Variants in BTAF1 observed in about 807,000 individuals in gnomAD.
BTAF1 encodes TATA-binding protein-associated factor 172.
In BTAF1, 38 loss-of-function variants were observed where a neutral mutation model predicts 227.1. The observed-to-expected ratio is 0.17, with a 90% CI of 0.13 to 0.22. The LOEUF is 0.22. Ranked by LOEUF, BTAF1 falls within the 10% of genes least tolerant of loss-of-function variation. The pLI is 1.00. For synonymous variants in BTAF1, 742 were observed against 751.9 expected, an observed-to-expected ratio of 0.99 and a Z score of 0.21; for missense variants, 1,598 against 2,204.0, an observed-to-expected ratio of 0.73 and a Z score of 5.51.
intron 1 of BTAF1, among the ~76,000 whole-genome samples, chr10:91,930,451 T>G (rs1844195244): frequency 6.6e-6 from 1 of 152,144 alleles, no homozygotes; most frequent in Non-Finnish European, 1.5e-5. Context: ...TGGTCCAGGG[T>G]AGAGTGGGGT....
intron 14 of BTAF1, among the ~76,000 whole-genome samples, chr10:91,968,539 A>C (rs118169538): frequency 1.3e-5 from 2 of 152,126 alleles, no homozygotes; most frequent in East Asian, 1.9e-4. Flanking sequence ...TAAGTTTTCA[A>C]CTCACTTGAG....
intron 22 of BTAF1, 69 bp from the exon 23 acceptor site, chr10:91,994,466 A>G (rs1849004347): frequency 5.8e-6 from 7 of 1,203,736 alleles, no homozygotes; most frequent in Non-Finnish European, 8.4e-6. Context: ...AAAAAGTGCT[A>G]AAAGTTTTTG....
Position 91,984,370 on chromosome 10 carries a change from A to G in BTAF1, c.2393A>G (p.Asn798Ser), listed in dbSNP as rs1345093941. 1.2e-6 allele frequency: 2 copies of G among 1,612,294 alleles called. No individual in the cohort carries two copies. The highest frequency in any genetic ancestry group is 2.7e-5 in the African/African-American group (2 of 74,906). The change falls in exon 19 of 38, where the codon AAC becomes AGC. Residue 798 changes from asparagine (N) to serine (S), a missense_variant. Around this residue, in one of 10 missense-constraint regions of BTAF1, gnomAD observed 318 missense variants for 435.0 expected, o/e 0.73. Transcript: ENST00000265990. ...ATTGAAGTTGGTAATCGAGTAAACAACAATGTTTTAACAATAGATCAAGCT... is the reference window on the plus strand; with the variant it reads ...ATTGAAGTTGGTAATCGAGTAAACAGCAATGTTTTAACAATAGATCAAGCT... ...VHIEVGNRVN[N>S]NVLTIDQASD...
chr10:91,969,040 A>ATT (rs77465388), intron 14 of BTAF1, among the ~76,000 whole-genome samples: 9 of 130,484 alleles, frequency 6.9e-5, no homozygotes, highest in Admixed American at 1.5e-4. Flanking sequence ...AAAAAAAAAA[A>ATT]TTTTTTTTTT....
chr10:91,948,229 G>C (rs183039511), intron 4 of BTAF1, among the ~76,000 whole-genome samples: 2 of 142,096 alleles, frequency 1.4e-5, no homozygotes, highest in African/African-American at 5.2e-5. Context: ...TCATTGTTCA[G>C]TTCCCACCTA....
chr10:91,924,806 G>A (rs1843718983), intron 1 of BTAF1, among the ~76,000 whole-genome samples: 1 of 152,070 alleles, frequency 6.6e-6, no homozygotes, highest in Admixed American at 6.6e-5. Context: ...TTTTTCCTCC[G>A]GTATGATAGA....
intron 17 of BTAF1, 158 bp from the exon 18 acceptor site, chr10:91,982,429 G>A: frequency 9.4e-7 from 1 of 1,062,710 alleles, no homozygotes; most frequent in Non-Finnish European, 1.3e-6. Flanking sequence ...TTCTTATGAA[G>A]ACAAGATAGT....
At chr10:92,011,200 CTT>C (rs758475960) in intron 29 of BTAF1, 50 bp downstream of exon 29, 52 of 1,518,316 alleles carry the variant, frequency 3.4e-5, no homozygotes, top group Non-Finnish European at 4.4e-5. Flanking sequence ...TTTGAAGACT[CTT>C]AATATTTTCC....
intron 14 of BTAF1, 41 bp from the exon 15 acceptor site, chr10:91,980,413 G>A (rs765939511): frequency 6.9e-7 from 1 of 1,441,360 alleles, no homozygotes; most frequent in South Asian, 1.2e-5. Flanking sequence ...TAACATCCAA[G>A]AATTATATGC....
intron 14 of BTAF1, among the ~76,000 whole-genome samples, chr10:91,977,090 G>T (rs1847752032): frequency 6.6e-6 from 1 of 152,146 alleles, no homozygotes. Context: ...GTGTAACTCT[G>T]GAGGCAGGAG....
chr10:92,011,170 T>G lies in BTAF1; in HGVS notation c.4181+20T>G. On this transcript the variant is annotated intron_variant, in intron 29 of 37. Coordinates refer to ENST00000265990, the MANE Select transcript of BTAF1 (RefSeq NM_003972.3). ...CTTTAGGTAAGAATTAATTTTTTTT[T>G]TAGAAAAATTAATATCAAATTTGAA... is the stretch of plus-strand genomic sequence containing the variant. 6.5e-7 allele frequency: 1 copy of G among 1,545,040 alleles called. No individual in the cohort carries two copies. The highest frequency in any genetic ancestry group is 8.8e-7 in the Non-Finnish European group (1 of 1,142,446).
chr10:91,960,127 A>G lies in BTAF1; in HGVS notation c.1236A>G (p.Gly412=), dbSNP rs1589813978. The G allele has an allele frequency of 6.2e-7, 1 of 1,613,308 alleles. No individual in the cohort carries two copies. Among genetic ancestry groups the G allele is most frequent in the Middle Eastern group, 1.6e-4 (1 of 6,062 alleles). The change falls in exon 11 of 38, where the codon GGA becomes GGG. Residue 412 remains glycine, a synonymous_variant. Transcript: ENST00000265990. ...QWEVRHGGLL[G]IKYALAVRQD... ...AAGTTAGACATGGTGGTCTGCTGGGAATAAAATATGCTTTGGCAGTCCGTC... is the reference window on the plus strand; with the variant it reads ...AAGTTAGACATGGTGGTCTGCTGGGGATAAAATATGCTTTGGCAGTCCGTC...
At chr10:91,988,316 C>T (rs775581223) in intron 19 of BTAF1, among the ~76,000 whole-genome samples, 1 of 152,126 alleles carries the variant, frequency 6.6e-6, no homozygotes, top group Non-Finnish European at 1.5e-5. Flanking sequence ...GGCTTTTCCT[C>T]AGTTGTCTAC....
chr10:91,978,063 G>A (rs770926307), intron 14 of BTAF1, among the ~76,000 whole-genome samples: 2 of 152,130 alleles, frequency 1.3e-5, no homozygotes, highest in Non-Finnish European at 2.9e-5. Flanking sequence ...ACCCTCAGTA[G>A]TATACATTCT....
chr10:91,989,075 G>T, intron 19 of BTAF1, 79 bp from the exon 20 acceptor site: 1 of 1,265,748 alleles, frequency 7.9e-7, no homozygotes, highest in Non-Finnish European at 1.1e-6. Context: ...CAGAAAGCTT[G>T]CTGTCTACCC....
chr10:91,997,048 G>A (rs756467772), intron 24 of BTAF1: 2 of 1,183,658 alleles, frequency 1.7e-6, no homozygotes, highest in South Asian at 1.3e-5. Flanking sequence ...TATGGCAGCA[G>A]CTAACATTCT....
At chr10:91,954,016 T>G in intron 6 of BTAF1, 143 bp downstream of exon 6, 18 of 1,213,440 alleles carry the variant, frequency 1.5e-5, no homozygotes, top group Non-Finnish European at 2.1e-5. Flanking sequence ...TGTCAGAGAG[T>G]ATTCATTGTA....
intron 18 of BTAF1, among the ~76,000 whole-genome samples, chr10:91,983,679 T>C (rs894702993): frequency 1.3e-5 from 2 of 152,172 alleles, no homozygotes; most frequent in African/African-American, 4.8e-5. Flanking sequence ...GAACCCCTCA[T>C]GGCTCACCAC....
intron 2 of BTAF1, among the ~76,000 whole-genome samples, chr10:91,937,810 G>C (rs770040278): frequency 6.6e-6 from 1 of 152,112 alleles, no homozygotes; most frequent in Non-Finnish European, 1.5e-5. Context: ...ATACCTGAGA[G>C]TAGAATTACT....
Sources: allele counts gnomAD v4.1 joint callset (sites outside exome capture counted in the v4.1 genomes callset), GRCh38; gene constraint gnomAD v4.1.1; regional missense constraint gnomAD v4.1.1; transcripts MANE v1.5; gene names NCBI Gene and HGNC (gene_info 2026-07-23, HGNC 2026-07-21).